Variants in PARD3B observed in about 807,000 individuals in gnomAD.
PARD3B encodes the protein par-3 family cell polarity regulator beta.
PARD3B carries 103 observed loss-of-function variants against 130.2 expected under a neutral mutation model. The observed-to-expected ratio is 0.79, with a 90% confidence interval of 0.67 to 0.93. The LOEUF is 0.93. Ranked by LOEUF, PARD3B falls within the 40% of genes least tolerant of loss-of-function variation. The pLI, the probability that PARD3B is intolerant of heterozygous loss-of-function variation, is 0.00. For synonymous variants in PARD3B, 583 were observed against 553.2 expected (o/e 1.05, Z -0.76); for missense variants, 1,609 against 1,499.2 (o/e 1.07, Z -1.21).
intron 3 of PARD3B, among the ~76,000 whole-genome samples, chr2:204,996,527 T>C (rs1413958133): frequency 3.3e-5 from 5 of 151,862 alleles, no homozygotes; most frequent in South Asian, 2.1e-4. Flanking sequence ...GTTACTGCTG[T>C]CTTTTTGTTT....
At chr2:205,303,287 G>A (rs2042076533) in intron 18 of PARD3B, among the ~76,000 whole-genome samples, 1 of 152,110 alleles carries the variant, frequency 6.6e-6, no homozygotes, top group South Asian at 2.1e-4. Flanking sequence ...TTACTTAACT[G>A]GCATTATCTG....
intron 21 of PARD3B, among the ~76,000 whole-genome samples, chr2:205,513,447 A>T (rs1404001753): frequency 6.6e-6 from 1 of 152,106 alleles, no homozygotes; most frequent in African/African-American, 2.4e-5. Flanking sequence ...CAAGCATTCA[A>T]ATTTTCCCCT....
intron 1 of PARD3B, among the ~76,000 whole-genome samples, chr2:204,649,555 C>G (rs1437692907): frequency 6.6e-6 from 1 of 151,678 alleles, no homozygotes; most frequent in Admixed American, 6.6e-5. Flanking sequence ...ACACCACCAC[C>G]ACCACCCAGA....
intron 18 of PARD3B, among the ~76,000 whole-genome samples, chr2:205,357,007 C>A (rs774396303): frequency 2.6e-5 from 4 of 152,030 alleles, no homozygotes; most frequent in Non-Finnish European, 5.9e-5. Context: ...TCTATTGTTT[C>A]TCATTTGCAT....
chr2:204,644,852 T>C (rs1487421302), intron 1 of PARD3B, among the ~76,000 whole-genome samples: 5 of 152,124 alleles, frequency 3.3e-5, no homozygotes, highest in African/African-American at 1.2e-4. Context: ...AAAAAATTCC[T>C]CCCCAGAGAG....
Position 205,584,200 on chromosome 2 carries a change from G to A in PARD3B, c.3260+30797G>A, listed in dbSNP as rs1397396358. The stretch of plus-strand genomic sequence containing the variant: ...TTTAAATGTGTCTGAATTATGATGT[G>A]CTTTAAATGTAAAATGCACACCAGG... On this transcript the variant is annotated intron_variant, in intron 22 of 22. Coordinates refer to ENST00000406610, the MANE Select transcript of PARD3B (RefSeq NM_001302769.2). The surrounding 1 kb of genome is among the most constrained non-coding windows in gnomAD (Gnocchi z 5.5). Among the ~76,000 whole-genome samples, 5 of 152,124 alleles carry A rather than the reference G, an allele frequency of 3.3e-5. No homozygotes were observed. The East Asian group carries it at 9.6e-4, about 29-fold the overall frequency.
chr2:204,889,716 G>T (rs575730743), intron 2 of PARD3B, among the ~76,000 whole-genome samples: 1 of 152,338 alleles, frequency 6.6e-6, no homozygotes, highest in East Asian at 1.9e-4. Flanking sequence ...ACAGTCAGCA[G>T]GCATGGCTGT....
intron 16 of PARD3B, among the ~76,000 whole-genome samples, chr2:205,260,016 A>G (rs2040241083): frequency 6.6e-6 from 1 of 152,162 alleles, no homozygotes; most frequent in Non-Finnish European, 1.5e-5. Flanking sequence ...TTGAACCACT[A>G]GAAAGCAAAG....
At chr2:205,457,340 T>G (rs1473803166) in intron 20 of PARD3B, among the ~76,000 whole-genome samples, 1 of 152,076 alleles carries the variant, frequency 6.6e-6, no homozygotes, top group Admixed American at 6.6e-5. Context: ...CTGCATATTC[T>G]GTAGTGATAT....
At position 205,125,290 on chromosome 2, in the gene PARD3B, G is replaced by GC. The variant is rs1469261090; in HGVS notation, c.1306-318dup. Among the ~76,000 whole-genome samples, 2 of 152,114 alleles carry GC rather than the reference G, an allele frequency of 1.3e-5. No homozygotes were observed. The highest frequency in any genetic ancestry group is 4.8e-5 in the African/African-American group (2 of 41,418). On this transcript the variant is annotated intron_variant, in intron 9 of 22. Transcript: ENST00000406610. The surrounding 1 kb of genome is among the most constrained non-coding windows in gnomAD (Gnocchi z 4.0). ...CTTGTTGAATTAGGCAGAAAATGGC[G>GC]CTAAGTAAGCCTTTGCAATCTGCTT...
intron 19 of PARD3B, among the ~76,000 whole-genome samples, chr2:205,420,713 A>C (rs2046938583): frequency 6.6e-6 from 1 of 152,196 alleles, no homozygotes; most frequent in Non-Finnish European, 1.5e-5. Context: ...TGCATATTGG[A>C]ATATGCTGAT....
chr2:204,739,220 G>T (rs1276199695), intron 2 of PARD3B, among the ~76,000 whole-genome samples: 1 of 152,024 alleles, frequency 6.6e-6, no homozygotes, highest in Admixed American at 6.6e-5. Context: ...TGTGCCTTGG[G>T]ATCTACTCAT....
chr2:205,318,819 A>G (rs970931334), intron 18 of PARD3B, among the ~76,000 whole-genome samples: 2 of 152,124 alleles, frequency 1.3e-5, no homozygotes, highest in Non-Finnish European at 2.9e-5. Context: ...CACCTCACCC[A>G]GCATCTTAGT....
At chr2:205,523,225 GTATATATATATATA>G (rs906912640) in intron 21 of PARD3B, among the ~76,000 whole-genome samples, 6 of 142,958 alleles carry the variant, frequency 4.2e-5, no homozygotes, top group Admixed American at 7.1e-5. Flanking sequence ...GTGTGTGTGT[GTATATATATATATA>G]TATTTATATA....
At position 204,575,508 on chromosome 2, in the gene PARD3B, T is replaced by C. The variant is rs551494999; in HGVS notation, c.120+29389T>C. Among the ~76,000 whole-genome samples the C allele has an allele frequency of 2.6e-5, 4 of 152,372 alleles. No homozygotes were observed. In the Middle Eastern group the frequency reaches 0.014, roughly 518 times the overall value. On this transcript the variant is annotated intron_variant, in intron 1 of 22. Coordinates refer to ENST00000406610, the MANE Select transcript of PARD3B (RefSeq NM_001302769.2). ...GCTAAGAAAGCAGTTCTCGTTTTCC[T>C]CTTCCATTCGTTGATACAGCTGAAC...
chr2:204,991,162 G>A (rs1174662307), intron 3 of PARD3B, among the ~76,000 whole-genome samples: 6 of 151,090 alleles, frequency 4.0e-5, no homozygotes, highest in Admixed American at 6.6e-5. Context: ...TGCCATGCTG[G>A]TGCGCTGCAC....
At chr2:205,524,376 C>T (rs574121601) in intron 21 of PARD3B, among the ~76,000 whole-genome samples, 1 of 152,258 alleles carries the variant, frequency 6.6e-6, no homozygotes, top group African/African-American at 2.4e-5. Flanking sequence ...AACTACACCT[C>T]CTGTTTAGAA....
chr2:205,198,996 G>C (rs997782331), intron 15 of PARD3B, among the ~76,000 whole-genome samples: 1 of 151,978 alleles, frequency 6.6e-6, no homozygotes, highest in Non-Finnish European at 1.5e-5. Flanking sequence ...AACCTGTTTT[G>C]TAAAGAAAAA....
intron 2 of PARD3B, among the ~76,000 whole-genome samples, chr2:204,935,385 A>C (rs1442877606): frequency 2.0e-5 from 3 of 149,148 alleles, no homozygotes; most frequent in African/African-American, 7.3e-5. Flanking sequence ...AAAAAAAAAA[A>C]AAAATTAGCC....
Sources: gnomAD v4.1 joint callset for allele counts (sites outside exome capture counted in the v4.1 genomes callset) on GRCh38, gnomAD v4.1.1 for gene constraint, Gnocchi (gnomAD v3.1) non-coding constraint, MANE v1.5 for transcripts, NCBI Gene and HGNC (gene_info 2026-07-23, HGNC 2026-07-21) for gene names.